The following PTPRD variants were observed in gnomAD, a reference collection of about 807,000 sequenced individuals.
The protein encoded by PTPRD is protein tyrosine phosphatase receptor type D.
Under a neutral mutation model 214.5 loss-of-function variants are expected in PTPRD, and 34 were observed. That is an observed-to-expected ratio of 0.16 (90% CI 0.12 to 0.21). The LOEUF is 0.21. Ranked by LOEUF, PTPRD falls within the 10% of genes least tolerant of loss-of-function variation. The probability of loss-of-function intolerance (pLI) is 1.00; values close to 1 mark genes in which losing one functional copy is unlikely to be tolerated. For synonymous variants in PTPRD, 1,128 were observed against 845.7 expected, an observed-to-expected ratio of 1.33 and a Z score of -5.79; for missense variants, 2,545 against 2,398.7, an observed-to-expected ratio of 1.06 and a Z score of -1.27.
intron 6 of PTPRD, among the ~76,000 whole-genome samples, chr9:9,758,012 C>T (rs569845923): frequency 1.3e-5 from 2 of 152,010 alleles, no homozygotes; most frequent in Non-Finnish European, 2.9e-5. Flanking sequence ...AGTTCCACTG[C>T]CATATCTGCC....
At chr9:9,401,228 C>G (rs1419412434) in intron 8 of PTPRD, among the ~76,000 whole-genome samples, 1 of 152,028 alleles carries the variant, frequency 6.6e-6, no homozygotes, top group East Asian at 1.9e-4. Flanking sequence ...AGTAATATCA[C>G]TGAAATACAT....
At chr9:9,666,612 T>C (rs1009648714) in intron 7 of PTPRD, among the ~76,000 whole-genome samples, 1 of 152,014 alleles carries the variant, frequency 6.6e-6, no homozygotes, top group Non-Finnish European at 1.5e-5. Context: ...ATTTAATAAG[T>C]TGGCAAATTG....
Position 8,979,582 on chromosome 9 carries a change from G to C in PTPRD, c.-104+39115C>G, listed in dbSNP as rs189479863. Among the ~76,000 whole-genome samples, 470 of 152,200 alleles carry C rather than the reference G, an allele frequency of 3.1e-3. 3 individuals carry two copies. The highest frequency in any genetic ancestry group is 6.9e-3 in the Admixed American group (106 of 15,264). On this transcript the variant is annotated intron_variant, in intron 11 of 45. Transcript: ENST00000381196. ...CCACTTAAAAATGGGCAAAGGACTTGAACAGACATTTCTCCAAAGGAGACA... is the reference window on the plus strand; with the variant it reads ...CCACTTAAAAATGGGCAAAGGACTTCAACAGACATTTCTCCAAAGGAGACA...
intron 2 of PTPRD, among the ~76,000 whole-genome samples, chr9:10,369,074 C>A (rs2097565359): frequency 6.6e-6 from 1 of 151,804 alleles, no homozygotes; most frequent in Non-Finnish European, 1.5e-5. Context: ...TAGGCATGCA[C>A]CATGGTTAAA....
intron 10 of PTPRD, among the ~76,000 whole-genome samples, chr9:9,032,826 T>C (rs1363131673): frequency 6.6e-6 from 1 of 152,114 alleles, no homozygotes; most frequent in Non-Finnish European, 1.5e-5. Flanking sequence ...AGGGTTGCAG[T>C]GAAGATACTG....
intron 11 of PTPRD, among the ~76,000 whole-genome samples, chr9:8,837,190 T>C (rs2097448228): frequency 6.6e-6 from 1 of 151,920 alleles, no homozygotes; most frequent in Admixed American, 6.6e-5. Flanking sequence ...AATTTTTGTA[T>C]TTTCAGTAGA....
At chr9:10,331,381 A>G (rs539647185) in intron 3 of PTPRD, among the ~76,000 whole-genome samples, 2 of 151,958 alleles carry the variant, frequency 1.3e-5, no homozygotes, top group African/African-American at 4.8e-5. Context: ...TGCAGACTGA[A>G]GAGAAGCCAG....
Position 9,758,796 on chromosome 9 carries a change from C to T in PTPRD, c.-326+8014G>A, listed in dbSNP as rs2098617773. Among the ~76,000 whole-genome samples, 3 of 126,432 alleles carry T rather than the reference C, an allele frequency of 2.4e-5. No homozygotes were observed. The South Asian group carries it at 7.9e-4, about 33-fold the overall frequency. The allele number at this position is 126,432 out of a possible 152,430, so 82.9% of individuals were successfully genotyped here. A position where few individuals can be genotyped will look rare whatever the true frequency, so the allele number is the denominator to read the frequency against. ...CCCCATATATTCAGAGCAACTGGAA[C>T]ATCAAGTCTCTCTTGTGTACAGGCA... is the stretch of plus-strand genomic sequence containing the variant. On this transcript the variant is annotated intron_variant, in intron 6 of 45. Coordinates refer to ENST00000381196, the MANE Select transcript of PTPRD (RefSeq NM_002839.4).
At chr9:10,299,721 G>C (rs559520118) in intron 3 of PTPRD, among the ~76,000 whole-genome samples, 40 of 152,224 alleles carry the variant, frequency 2.6e-4, no homozygotes, top group Non-Finnish European at 5.0e-4. Context: ...GGTTTTTATA[G>C]CTGGAAGCAG....
At chr9:8,509,901 C>T (rs1360417533) in intron 21 of PTPRD, among the ~76,000 whole-genome samples, 1 of 152,148 alleles carries the variant, frequency 6.6e-6, no homozygotes, top group Non-Finnish European at 1.5e-5. Flanking sequence ...AAAGTGTCTT[C>T]ATCTAATGTA....
chr9:9,480,710 C>T (rs1197210149), intron 8 of PTPRD, among the ~76,000 whole-genome samples: 1 of 151,826 alleles, frequency 6.6e-6, no homozygotes, highest in Non-Finnish European at 1.5e-5. Flanking sequence ...AGTGCTGTGG[C>T]CACAGAAAAT....
chr9:10,513,180 GTA>G (rs1284383094), intron 2 of PTPRD, among the ~76,000 whole-genome samples: 2 of 151,566 alleles, frequency 1.3e-5, no homozygotes, highest in Non-Finnish European at 2.9e-5. Context: ...GATTGTGTGT[GTA>G]TGTGTGTGTG....
intron 9 of PTPRD, among the ~76,000 whole-genome samples, chr9:9,389,994 G>C (rs540480688): frequency 1.6e-4 from 24 of 152,288 alleles, no homozygotes; most frequent in Middle Eastern, 3.4e-3. Context: ...CATTAAGTGG[G>C]ATAAGAAGAG....
intron 2 of PTPRD, among the ~76,000 whole-genome samples, chr9:10,530,195 G>T (rs2055778709): frequency 6.6e-6 from 1 of 152,100 alleles, no homozygotes; most frequent in African/African-American, 2.4e-5. Context: ...CTTTCAGCCT[G>T]AAATTCCTGT....
chr9:9,755,756 A>C (rs2098564087), intron 6 of PTPRD, among the ~76,000 whole-genome samples: 2 of 152,102 alleles, frequency 1.3e-5, no homozygotes. Context: ...CATAGGAATT[A>C]CTGCTCTCAT....
chr9:10,598,661 T>C (rs1257386121), intron 2 of PTPRD, among the ~76,000 whole-genome samples: 1 of 110,342 alleles, frequency 9.1e-6, no homozygotes, highest in Non-Finnish European at 1.9e-5. Context: ...TTTTGAACCA[T>C]TTTTATATAT....
intron 5 of PTPRD, among the ~76,000 whole-genome samples, chr9:9,775,144 C>CTGTAACAGGCATTTAAGTTTTATTT: frequency 6.6e-6 from 1 of 152,170 alleles, no homozygotes; most frequent in Admixed American, 6.5e-5. Flanking sequence ...TCTGTCACCC[C>CTGTAACAGGCATTTAAGTTTTATTT]ACAAGTTCAT....
At chr9:9,190,047 G>A (rs2099934142) in intron 9 of PTPRD, among the ~76,000 whole-genome samples, 3 of 152,070 alleles carry the variant, frequency 2.0e-5, no homozygotes, top group Admixed American at 1.3e-4. Flanking sequence ...AGAAGAATAT[G>A]TAGCCAATGG....
chr9:9,268,837 A>G (rs1191910351), intron 9 of PTPRD, among the ~76,000 whole-genome samples: 1 of 150,406 alleles, frequency 6.6e-6, no homozygotes, highest in Admixed American at 6.7e-5. Context: ...TTCTTTTTTT[A>G]TATTACACCA....
Sources: allele counts gnomAD v4.1 joint callset (sites outside exome capture counted in the v4.1 genomes callset), GRCh38; gene constraint gnomAD v4.1.1; transcripts MANE v1.5; gene names NCBI Gene and HGNC (gene_info 2026-07-23, HGNC 2026-07-21).